The following TMEM182 variants were observed in gnomAD, a reference collection of about 807,000 sequenced individuals.
TMEM182 encodes transmembrane protein 182.
A neutral mutation model predicts 26.8 loss-of-function variants in TMEM182; 20 were observed. The observed-to-expected ratio is 0.75, with a 90% CI of 0.53 to 1.09. TMEM182 has a LOEUF of 1.09. Ranked by LOEUF, TMEM182 falls within the 50% of genes least tolerant of loss-of-function variation. The probability of loss-of-function intolerance (pLI) is 0.00; values close to 1 mark genes in which losing one functional copy is unlikely to be tolerated. For synonymous variants in TMEM182, 109 were observed against 102.2 expected, an observed-to-expected ratio of 1.07 and a Z score of -0.40; for missense variants, 277 against 275.5, an observed-to-expected ratio of 1.01 and a Z score of -0.04.
intron 3 of TMEM182, among the ~76,000 whole-genome samples, chr2:102,791,866 C>T (rs1293789138): frequency 2.0e-5 from 3 of 152,006 alleles, no homozygotes; most frequent in Non-Finnish European, 4.4e-5. Flanking sequence ...TGTAGTTTTA[C>T]AAGCTCATAT....
intron 4 of TMEM182, among the ~76,000 whole-genome samples, chr2:102,799,090 A>T (rs911415359): frequency 5.3e-5 from 8 of 152,254 alleles, no homozygotes; most frequent in African/African-American, 1.9e-4. Flanking sequence ...TGTAAAGATA[A>T]TTCTAGAAAA....
At chr2:102,769,058 T>G (rs1680574967) in intron 3 of TMEM182, among the ~76,000 whole-genome samples, 1 of 152,182 alleles carries the variant, frequency 6.6e-6, no homozygotes, top group African/African-American at 2.4e-5. Flanking sequence ...GACAGTCACC[T>G]TCATGCTCTT....
chr2:102,821,375 C>T (rs913488183), downstream of TMEM182, among the ~76,000 whole-genome samples: 2 of 152,042 alleles, frequency 1.3e-5, no homozygotes, highest in African/African-American at 4.8e-5. Flanking sequence ...TTGGTGCTAT[C>T]CTTGCCATAC....
At chr2:102,786,139 T>C (rs1290852017) in intron 3 of TMEM182, among the ~76,000 whole-genome samples, 2 of 150,772 alleles carry the variant, frequency 1.3e-5, no homozygotes, top group East Asian at 3.9e-4. Context: ...AAGTCCCTGG[T>C]GTTCTTGATT....
chr2:102,792,499 A>G (rs941379712), intron 3 of TMEM182, among the ~76,000 whole-genome samples: 4 of 152,184 alleles, frequency 2.6e-5, no homozygotes, highest in Non-Finnish European at 5.9e-5. Flanking sequence ...TGATTGGCTC[A>G]GTTTTACTTT....
At chr2:102,836,731 C>T (rs1043053864) in intron 3 of TMEM182, among the ~76,000 whole-genome samples, 5 of 152,184 alleles carry the variant, frequency 3.3e-5, no homozygotes, top group Non-Finnish European at 7.3e-5. Context: ...TTAAAGGACT[C>T]ACTCAGAGTG....
At chr2:102,813,928 C>T (rs1451546663) in intron 4 of TMEM182, among the ~76,000 whole-genome samples, 3 of 151,808 alleles carry the variant, frequency 2.0e-5, no homozygotes, top group African/African-American at 7.3e-5. Flanking sequence ...TCCCTTCCTC[C>T]CTTCCTTCAT....
chr2:102,799,814 C>G (rs898345348), intron 4 of TMEM182, among the ~76,000 whole-genome samples: 1 of 152,146 alleles, frequency 6.6e-6, no homozygotes, highest in African/African-American at 2.4e-5. Context: ...GGTTTCGTGG[C>G]TGGCTTTGGG....
chr2:102,770,381 A>G (rs915040251), intron 3 of TMEM182, among the ~76,000 whole-genome samples: 5 of 152,252 alleles, frequency 3.3e-5, no homozygotes, highest in African/African-American at 9.6e-5. Flanking sequence ...CCAGGCACCT[A>G]CTTCTATCCT....
chr2:102,778,381 A>G (rs1490930416), intron 3 of TMEM182, among the ~76,000 whole-genome samples: 2 of 151,952 alleles, frequency 1.3e-5, no homozygotes, highest in African/African-American at 4.8e-5. Context: ...CCTTCAACTT[A>G]CCTATATCAC....
At chr2:102,769,006 C>G (rs528733797) in intron 3 of TMEM182, among the ~76,000 whole-genome samples, 10 of 152,080 alleles carry the variant, frequency 6.6e-5, no homozygotes, top group Non-Finnish European at 1.3e-4. Flanking sequence ...CTGCCAGGAA[C>G]CCAGGCTCTG....
At chr2:102,787,596 C>T (rs1318130013) in intron 3 of TMEM182, among the ~76,000 whole-genome samples, 1 of 152,166 alleles carries the variant, frequency 6.6e-6, no homozygotes, top group African/African-American at 2.4e-5. Flanking sequence ...AACAGGATTG[C>T]AAAGAAGGGC....
intron 3 of TMEM182, among the ~76,000 whole-genome samples, chr2:102,769,751 G>T (rs372141502): frequency 2.0e-5 from 3 of 152,154 alleles, no homozygotes; most frequent in East Asian, 1.9e-4. Flanking sequence ...GTTTTCTTTG[G>T]TGTTGTTATT....
chr2:102,777,396 A>G (rs1168259116), intron 3 of TMEM182, among the ~76,000 whole-genome samples: 1 of 152,056 alleles, frequency 6.6e-6, no homozygotes, highest in Admixed American at 6.6e-5. Flanking sequence ...TTATGGAAAA[A>G]ACGACTTTCT....
rs529184659 is a variant in TMEM182 at position 102,787,007 on chromosome 2, C to G, written c.332-10856C>G. 1.2e-4 allele frequency among the ~76,000 whole-genome samples: 18 copies of G among 152,262 alleles called. No homozygotes were observed. In the South Asian group the frequency reaches 1.2e-3, roughly 11 times the overall value. ...CACATTTTAGGGAAGGAAACTGAGG[C>G]ATGGAGAAGCCAAGTAATTTGGCCA... On this transcript the variant is annotated intron_variant, in intron 3 of 4. Coordinates refer to ENST00000412401, the MANE Select transcript of TMEM182 (RefSeq NM_144632.5).
At chr2:102,758,478 G>C, upstream of TMEM182, 1 of 717,102 alleles carries the variant, frequency 1.4e-6, no homozygotes, top group Non-Finnish European at 2.6e-6. Context: ...TCCATGGTAA[G>C]CTCCATTTCA....
At chr2:102,760,844 G>A (rs1360015637), upstream of TMEM182, among the ~76,000 whole-genome samples, 3 of 151,974 alleles carry the variant, frequency 2.0e-5, no homozygotes, top group Non-Finnish European at 4.4e-5. Context: ...GTCTCCACCC[G>A]CCTCGGCCTC....
intron 1 of TMEM182, among the ~76,000 whole-genome samples, chr2:102,755,766 C>A (rs1205481621): frequency 1.3e-5 from 2 of 152,080 alleles, no homozygotes; most frequent in Non-Finnish European, 2.9e-5. Context: ...AATAAGGGGG[C>A]AAATTGTATA....
At chr2:102,762,798 A>G in intron 2 of TMEM182, 112 bp downstream of exon 2, 2 of 778,526 alleles carry the variant, frequency 2.6e-6, no homozygotes, top group South Asian at 4.3e-5. Context: ...CAAAATCTCA[A>G]TTAGATGTCT....
Sources: allele counts gnomAD v4.1 joint callset (sites outside exome capture counted in the v4.1 genomes callset), GRCh38; gene constraint gnomAD v4.1.1; transcripts MANE v1.5; gene names NCBI Gene and HGNC (gene_info 2026-07-23, HGNC 2026-07-21).